The following TGFB3 variants were observed in gnomAD, a reference collection of about 807,000 sequenced individuals.
The protein encoded by TGFB3 is transforming growth factor beta 3.
In TGFB3, 5 loss-of-function variants were observed where a neutral mutation model predicts 40.1. That is an observed-to-expected ratio of 0.12 (90% CI 0.07 to 0.26). The LOEUF (loss-of-function observed/expected upper bound fraction) is 0.26. Ranked by LOEUF, TGFB3 falls within the 10% of genes least tolerant of loss-of-function variation. The probability of loss-of-function intolerance (pLI) is 1.00; values close to 1 mark genes in which losing one functional copy is unlikely to be tolerated. For missense variants in TGFB3, 373 were observed against 530.1 expected, an observed-to-expected ratio of 0.70 and a Z score of 2.91; for synonymous variants, 184 against 205.6, an observed-to-expected ratio of 0.89 and a Z score of 0.90.
chr14:75,960,561 C>T (rs564120079), intron 6 of TGFB3, among the ~76,000 whole-genome samples: 1 of 152,300 alleles, frequency 6.6e-6, no homozygotes, highest in South Asian at 2.1e-4. Context: ...TTTCTACATT[C>T]GAGAGGCTGG....
At chr14:75,977,641 T>C (rs2035370053) in intron 1 of TGFB3, among the ~76,000 whole-genome samples, 1 of 139,960 alleles carries the variant, frequency 7.1e-6, no homozygotes, top group South Asian at 2.2e-4. Flanking sequence ...TTTGTGGCAG[T>C]ATGAATCTCC....
At chr14:75,968,218 G>A (rs745883298) in intron 3 of TGFB3, among the ~76,000 whole-genome samples, 17 of 152,188 alleles carry the variant, frequency 1.1e-4, no homozygotes, top group South Asian at 2.1e-4. Flanking sequence ...AATCTACACC[G>A]CCAACTGCTC....
chr14:75,965,517 C>T (rs2035210443), intron 4 of TGFB3, 71 bp downstream of exon 4: 2 of 1,305,818 alleles, frequency 1.5e-6, no homozygotes, highest in Admixed American at 3.4e-5. Context: ...TGGTAAGGGT[C>T]TCCTGCACTA....
intron 3 of TGFB3, among the ~76,000 whole-genome samples, chr14:75,967,950 C>T (rs1030026158): frequency 2.6e-5 from 4 of 152,164 alleles, no homozygotes; most frequent in African/African-American, 9.7e-5. Context: ...GGTTGTTTCC[C>T]AGTGTCCCAC....
At chr14:75,977,355 G>GA (rs757934813) in intron 1 of TGFB3, among the ~76,000 whole-genome samples, 1 of 152,172 alleles carries the variant, frequency 6.6e-6, no homozygotes, top group Non-Finnish European at 1.5e-5. Context: ...CATGGGGTCA[G>GA]AGAAACTCTC....
chr14:75,971,844 G>A lies in TGFB3; in HGVS notation c.353-126C>T. ...ACCTCCCTAGAGGCTTGAGGCCTCA[G>A]ACCGCAAGGTGGAGATACGAGGAAG... On this transcript the variant is annotated intron_variant, in intron 1 of 6. Transcript: ENST00000238682. This position sits in a 1 kb window ranked among gnomAD's most constrained non-coding sequence, Gnocchi z 4.5. The A allele has an allele frequency of 2.0e-6, 2 of 996,116 alleles. No homozygotes were observed. The highest frequency in any genetic ancestry group is 1.4e-5 in the South Asian group (1 of 70,782). 61.7% of individuals were successfully genotyped at this position (996,116 alleles called of 1,614,324 possible).
intron 1 of TGFB3, among the ~76,000 whole-genome samples, chr14:75,976,833 T>C (rs1260961247): frequency 2.6e-5 from 4 of 152,224 alleles, no homozygotes; most frequent in Non-Finnish European, 5.9e-5. Flanking sequence ...GCCGGGTCTC[T>C]GTAGGCACTT....
chr14:75,969,377 G>A (rs1416016968), intron 3 of TGFB3, among the ~76,000 whole-genome samples: 1 of 152,178 alleles, frequency 6.6e-6, no homozygotes, highest in African/African-American at 2.4e-5. Context: ...ATCAGACCAG[G>A]CAGTACCAGC....
In TGFB3 at chr14:75,971,116, G is replaced by A. The variant is rs749961347; in HGVS notation, c.646+10C>T. On this transcript the variant is annotated intron_variant, in intron 3 of 6. Transcript: ENST00000238682. The surrounding 1 kb of genome is among the most constrained non-coding windows in gnomAD (Gnocchi z 4.5). ...TCATTCTGAAATGCTTATCTGAAGG[G>A]TCCACCTACCTCTTCTCAACAGCCA... The A allele has an allele frequency of 6.2e-7, 1 of 1,613,718 alleles. No homozygotes were observed. The highest frequency in any genetic ancestry group is 8.5e-7 in the Non-Finnish European group (1 of 1,179,962).
rs4252347 is a variant in TGFB3 at position 75,958,932 on chromosome 14, G to C, written c.*255C>G. Reference sequence around the variant, plus strand: ...CTCTATCCCCATCCCCTCTGTCTGCGTCACAGAAAGTCTGTGTGTTCTGAA... The same window carrying C: ...CTCTATCCCCATCCCCTCTGTCTGCCTCACAGAAAGTCTGTGTGTTCTGAA... On this transcript the variant is annotated 3_prime_UTR_variant, in exon 7 of 7. Transcript: ENST00000238682. 1 of 493,260 alleles carries C rather than the reference G, an allele frequency of 2.0e-6. No homozygotes were observed. The highest frequency in any genetic ancestry group is 2.0e-5 in the South Asian group (1 of 50,818). 30.6% of individuals were successfully genotyped at this position (493,260 alleles called of 1,614,324 possible). A position where few individuals can be genotyped will look rare whatever the true frequency, so the allele number is the denominator to read the frequency against.
chr14:75,963,263 A>G (rs1595338970), intron 5 of TGFB3, 53 bp downstream of exon 5: 2 of 1,608,146 alleles, frequency 1.2e-6, no homozygotes, highest in Admixed American at 1.7e-5. Context: ...TGACCTAGCC[A>G]TTGGGCAGTA....
In TGFB3 at chr14:75,971,849, CAAGG is replaced by C. The variant is rs2035298499; in HGVS notation, c.353-135_353-132del. On this transcript the variant is annotated intron_variant, in intron 1 of 6. Coordinates refer to ENST00000238682, the MANE Select transcript of TGFB3 (RefSeq NM_003239.5). This position sits in a 1 kb window ranked among gnomAD's most constrained non-coding sequence, Gnocchi z 4.5. ...CCTAGAGGCTTGAGGCCTCAGACCG[CAAGG>C]TGGAGATACGAGGAAGATTCTTGGT... The C allele has an allele frequency of 5.4e-6, 5 of 934,470 alleles. No individual in the cohort carries two copies. The African/African-American group carries it at 8.1e-5, about 15-fold the overall frequency. The allele number at this position is 934,470 out of a possible 1,614,324, so 57.9% of individuals were successfully genotyped here.
chr14:75,978,184 C>T lies in TGFB3; in HGVS notation c.352+2358G>A, dbSNP rs1015646769. Reference sequence around the variant, plus strand: ...AGAAGTGAGGAAATATGGAACAGAACGTGATCTCATGACCTCCCAGCAGAG... The same window carrying T: ...AGAAGTGAGGAAATATGGAACAGAATGTGATCTCATGACCTCCCAGCAGAG... On this transcript the variant is annotated intron_variant, in intron 1 of 6. Coordinates refer to ENST00000238682, the MANE Select transcript of TGFB3 (RefSeq NM_003239.5). The surrounding 1 kb of genome is among the most constrained non-coding windows in gnomAD (Gnocchi z 5.0). Among the ~76,000 whole-genome samples, 13 of 152,156 alleles carry T rather than the reference C, an allele frequency of 8.5e-5. No homozygotes were observed. The highest frequency in any genetic ancestry group is 2.4e-4 in the African/African-American group (10 of 41,446).
chr14:75,958,984 C>G lies in TGFB3; in HGVS notation c.*203G>C. 3.0e-6 allele frequency: 2 copies of G among 657,098 alleles called. No homozygotes were observed. The highest frequency in any genetic ancestry group is 3.4e-5 in the South Asian group (2 of 58,444). 40.7% of individuals were successfully genotyped at this position (657,098 alleles called of 1,614,324 possible). A position where few individuals can be genotyped will look rare whatever the true frequency, so the allele number is the denominator to read the frequency against. On this transcript the variant is annotated 3_prime_UTR_variant, in exon 7 of 7. Transcript: ENST00000238682. The stretch of plus-strand genomic sequence containing the variant: ...AGTTCAGCCTTCCTCTAACCAAACC[C>G]ACACTTTCTTTACCACCGTGATTCT...
At position 75,975,197 on chromosome 14, in the gene TGFB3, ATCTCT is replaced by A. The variant is rs1297657967; in HGVS notation, c.353-3484_353-3480del. Among the ~76,000 whole-genome samples, 5 of 152,026 alleles carry A rather than the reference ATCTCT, an allele frequency of 3.3e-5. No individual in the cohort carries two copies. In the South Asian group the frequency reaches 1.0e-3, roughly 32 times the overall value. ...AGCCTGGCCAACATGGCAAAACCCC[ATCTCT>A]ACTCCAAATACAAAAATTAGCTGGG... is the stretch of plus-strand genomic sequence containing the variant. On this transcript the variant is annotated intron_variant, in intron 1 of 6. Coordinates refer to ENST00000238682, the MANE Select transcript of TGFB3 (RefSeq NM_003239.5).
chr14:75,962,489 C>A (rs1047523329), intron 5 of TGFB3, among the ~76,000 whole-genome samples: 1 of 152,160 alleles, frequency 6.6e-6, no homozygotes, highest in Non-Finnish European at 1.5e-5. Flanking sequence ...AGCTTCATTT[C>A]GGCATCCTCT....
intron 1 of TGFB3, among the ~76,000 whole-genome samples, chr14:75,973,007 C>T (rs2035311929): frequency 6.6e-6 from 1 of 152,178 alleles, no homozygotes; most frequent in African/African-American, 2.4e-5. Context: ...AAGATGTGGG[C>T]AGCGAATGCT....
At chr14:75,972,323 G>C (rs2035303825) in intron 1 of TGFB3, among the ~76,000 whole-genome samples, 1 of 152,198 alleles carries the variant, frequency 6.6e-6, no homozygotes, top group Non-Finnish European at 1.5e-5. Flanking sequence ...CAAGGCCAAG[G>C]TCTGATTTCA....
rs1383462788 is a variant in TGFB3 at position 75,971,846 on chromosome 14, C to T, written c.353-128G>A. 1.0e-6 allele frequency: 1 copy of T among 974,022 alleles called. No homozygotes were observed. Among genetic ancestry groups the T allele is most frequent in the South Asian group, 1.4e-5 (1 of 69,756 alleles). 60.3% of individuals were successfully genotyped at this position (974,022 alleles called of 1,614,324 possible). A position where few individuals can be genotyped will look rare whatever the true frequency, so the allele number is the denominator to read the frequency against. Reference sequence around the variant, plus strand: ...CTCCCTAGAGGCTTGAGGCCTCAGACCGCAAGGTGGAGATACGAGGAAGAT... The same window carrying T: ...CTCCCTAGAGGCTTGAGGCCTCAGATCGCAAGGTGGAGATACGAGGAAGAT... On this transcript the variant is annotated intron_variant, in intron 1 of 6. Transcript: ENST00000238682. This position sits in a 1 kb window ranked among gnomAD's most constrained non-coding sequence, Gnocchi z 4.5.
Sources: gnomAD v4.1 joint callset for allele counts (sites outside exome capture counted in the v4.1 genomes callset) on GRCh38, gnomAD v4.1.1 for gene constraint, Gnocchi (gnomAD v3.1) non-coding constraint, MANE v1.5 for transcripts, NCBI Gene and HGNC (gene_info 2026-07-23, HGNC 2026-07-21) for gene names.